ITSN1: variants seen among roughly 807,000 people sequenced by gnomAD.
ITSN1 encodes the protein intersectin 1, also known as intersectin-1.
ITSN1 carries 58 observed loss-of-function variants against 239.8 expected under a neutral mutation model. The observed-to-expected ratio is 0.24, with a 90% CI of 0.20 to 0.30. ITSN1 has a LOEUF of 0.30. ITSN1 is among the 10% of genes least tolerant of loss of function. The pLI, the probability that ITSN1 is intolerant of heterozygous loss-of-function variation, is 1.00. For synonymous variants in ITSN1, 780 were observed against 770.8 expected (o/e 1.01, Z -0.20); for missense variants, 1,558 against 2,103.3 (o/e 0.74, Z 5.07).
At chr21:33,853,721 G>C (rs1978771937) in intron 29 of ITSN1, among the ~76,000 whole-genome samples, 1 of 152,208 alleles carries the variant, frequency 6.6e-6, no homozygotes, top group Admixed American at 6.5e-5. Flanking sequence ...GGGGTGGGCA[G>C]TTCTGTGTCC....
intron 8 of ITSN1, among the ~76,000 whole-genome samples, chr21:33,759,568 A>G (rs1244587036): frequency 6.6e-6 from 1 of 152,228 alleles, no homozygotes; most frequent in Non-Finnish European, 1.5e-5. Context: ...TTCTAGATAC[A>G]ATGTTACAGA....
At chr21:33,749,693 C>T (rs2067421538) in intron 5 of ITSN1, among the ~76,000 whole-genome samples, 1 of 151,924 alleles carries the variant, frequency 6.6e-6, no homozygotes, top group South Asian at 2.1e-4. Context: ...GATGCTTTCC[C>T]CATCAAACAT....
chr21:33,656,718 T>C (rs1267191170), intron 1 of ITSN1, among the ~76,000 whole-genome samples: 13 of 152,072 alleles, frequency 8.5e-5, no homozygotes. Context: ...TTTATTTGTT[T>C]ATTTATTTAT....
At chr21:33,738,353 T>C (rs544185491) in intron 5 of ITSN1, among the ~76,000 whole-genome samples, 2 of 152,208 alleles carry the variant, frequency 1.3e-5, no homozygotes, top group Middle Eastern at 6.8e-3. Context: ...AATTGAACAT[T>C]TTGCTTAAGG....
intron 26 of ITSN1, 108 bp downstream of exon 26, chr21:33,826,971 C>A: frequency 2.2e-6 from 2 of 903,726 alleles, no homozygotes; most frequent in East Asian, 2.5e-5. Context: ...AAGAATCTTT[C>A]CTAAGAGTGG....
intron 10 of ITSN1, 138 bp downstream of exon 10, chr21:33,766,150 C>T (rs2068708391): frequency 1.2e-6 from 1 of 861,392 alleles, no homozygotes; most frequent in Non-Finnish European, 1.8e-6. Context: ...AGACTCTCAT[C>T]TAGGTCTATG....
Position 33,791,803 on chromosome 21 carries a change from TG to T in ITSN1, c.1825-2537del, listed in dbSNP as rs1462248872. 1.1e-4 allele frequency among the ~76,000 whole-genome samples: 17 copies of T among 152,220 alleles called. 1 individual carries two copies. The South Asian group carries it at 2.7e-3, about 24-fold the overall frequency. ...ATTCTGGTTGTGCAGTACCTGTTGT[TG>T]AATATTTTGAATATCACTCATGAAT... On this transcript the variant is annotated intron_variant, in intron 16 of 39. Coordinates refer to ENST00000381318, the MANE Select transcript of ITSN1 (RefSeq NM_003024.3).
intron 6 of ITSN1, among the ~76,000 whole-genome samples, 186 bp from the exon 7 acceptor site, chr21:33,751,624 A>G (rs556098625): frequency 2.0e-5 from 3 of 152,366 alleles, no homozygotes; most frequent in African/African-American, 7.2e-5. Context: ...TAGAACAAGT[A>G]AATCTAGAAA....
At chr21:33,887,945 T>TC (rs1345857793) in intron 39 of ITSN1, among the ~76,000 whole-genome samples, 1 of 60,630 alleles carries the variant, frequency 1.6e-5, no homozygotes, top group Admixed American at 1.9e-4. Context: ...GGGGTTGGGT[T>TC]TTTTTTTTTA....
chr21:33,700,864 A>G (rs537425899), intron 1 of ITSN1, among the ~76,000 whole-genome samples: 14 of 152,206 alleles, frequency 9.2e-5, no homozygotes, highest in African/African-American at 3.1e-4. Context: ...TAGGTCATTA[A>G]GCCTAGATTA....
chr21:33,744,374 A>G (rs1345778968), intron 5 of ITSN1, among the ~76,000 whole-genome samples: 3 of 152,208 alleles, frequency 2.0e-5, no homozygotes, highest in Non-Finnish European at 2.9e-5. Context: ...AAAAAGCAGT[A>G]TAGTCTTGGA....
intron 4 of ITSN1, among the ~76,000 whole-genome samples, chr21:33,733,591 T>C (rs934867566): frequency 2.7e-5 from 4 of 145,962 alleles, no homozygotes; most frequent in Non-Finnish European, 6.0e-5. Context: ...TAATTTGTGA[T>C]ACACTATGAG....
In ITSN1 at chr21:33,886,268, A is replaced by C; in HGVS notation, c.4844-19A>C. The C allele has an allele frequency of 1.2e-6, 2 of 1,601,518 alleles. No individual in the cohort carries two copies. Among genetic ancestry groups the C allele is most frequent in the Non-Finnish European group, 1.7e-6 (2 of 1,175,410 alleles). ...ATGAGGTGTGAGTTCCACCTGGCGA[A>C]GGCTTTTGTTCCCTCCAGGAAAGAG... On this transcript the variant is annotated intron_variant, in intron 38 of 39. Transcript: ENST00000381318.
At chr21:33,720,908 T>C (rs2834253) in intron 2 of ITSN1, among the ~76,000 whole-genome samples, 53,177 of 152,044 alleles carry the variant, frequency 0.35, 9,636 homozygotes, top group East Asian at 0.56. Context: ...TTGCTAACTA[T>C]GGGATTATAA....
chr21:33,686,939 A>G (rs1293296448), intron 1 of ITSN1, among the ~76,000 whole-genome samples: 1 of 152,166 alleles, frequency 6.6e-6, no homozygotes, highest in East Asian at 1.9e-4. Context: ...TCAGTGGCCA[A>G]TGTGGTGGAT....
chr21:33,765,451 C>T (rs2068652138), intron 9 of ITSN1, among the ~76,000 whole-genome samples: 1 of 152,166 alleles, frequency 6.6e-6, no homozygotes, highest in Admixed American at 6.5e-5. Flanking sequence ...ATGATCTTGA[C>T]TGCAGTGAGG....
intron 17 of ITSN1, among the ~76,000 whole-genome samples, chr21:33,795,666 CT>C (rs2071491840): frequency 6.6e-6 from 1 of 151,970 alleles, no homozygotes; most frequent in Non-Finnish European, 1.5e-5. Flanking sequence ...TAAGGATCTC[CT>C]CCTTGGATGT....
At chr21:33,742,119 C>T (rs1255867565) in intron 5 of ITSN1, among the ~76,000 whole-genome samples, 3 of 150,036 alleles carry the variant, frequency 2.0e-5, no homozygotes, top group East Asian at 4.0e-4. Context: ...TGCAGTGGCA[C>T]CTTCTCGGCT....
At chr21:33,705,395 A>G (rs1187660704) in intron 1 of ITSN1, among the ~76,000 whole-genome samples, 4 of 151,966 alleles carry the variant, frequency 2.6e-5, no homozygotes, top group African/African-American at 9.6e-5. Flanking sequence ...TTTCTTTATT[A>G]TTTGTTTTTT....
Sources: allele counts gnomAD v4.1 joint callset (sites outside exome capture counted in the v4.1 genomes callset), GRCh38; gene constraint gnomAD v4.1.1; transcripts MANE v1.5; gene names NCBI Gene and HGNC (gene_info 2026-07-23, HGNC 2026-07-21).